The following ODAD4 variants were observed in gnomAD, a reference collection of about 807,000 sequenced individuals.
The protein encoded by ODAD4 is outer dynein arm-docking complex subunit 4.
A neutral mutation model predicts 51.8 loss-of-function variants in ODAD4; 49 were observed. The observed-to-expected ratio is 0.95, with a 90% CI of 0.75 to 1.20. The LOEUF is 1.20. Among genes scored for constraint, ODAD4 ranks in the 50% most tolerant of loss-of-function variants. ODAD4 has a pLI of 0.00. For missense variants in ODAD4, 590 were observed against 586.5 expected, an observed-to-expected ratio of 1.01 and a Z score of -0.06; for synonymous variants, 235 against 221.3, an observed-to-expected ratio of 1.06 and a Z score of -0.55.
chr17:41,935,882 C>A, intron 3 of ODAD4, 133 bp downstream of exon 3: 1 of 1,103,248 alleles, frequency 9.1e-7, no homozygotes, highest in Non-Finnish European at 1.3e-6. Flanking sequence ...GATTTGGCTG[C>A]TGCAGTGTTG....
At chr17:41,953,081 G>A (rs1555640463) in intron 9 of ODAD4, among the ~76,000 whole-genome samples, 1 of 151,982 alleles carries the variant, frequency 6.6e-6, no homozygotes, top group Non-Finnish European at 1.5e-5. Flanking sequence ...TTATTTTTGA[G>A]ATGGAGTTTC....
At chr17:41,943,005 G>A (rs1338455843) in intron 7 of ODAD4, among the ~76,000 whole-genome samples, 2 of 152,058 alleles carry the variant, frequency 1.3e-5, no homozygotes, top group African/African-American at 4.8e-5. Context: ...TGGGTCTACT[G>A]GCATGAACCA....
At chr17:41,952,989 G>A (rs935632799) in intron 9 of ODAD4, among the ~76,000 whole-genome samples, 1 of 151,940 alleles carries the variant, frequency 6.6e-6, no homozygotes, top group Non-Finnish European at 1.5e-5. Flanking sequence ...CTCCCACCTC[G>A]GCCTCCCAAA....
At chr17:41,957,150 C>T (rs2050743976) in intron 10 of ODAD4, among the ~76,000 whole-genome samples, 1 of 152,148 alleles carries the variant, frequency 6.6e-6, no homozygotes, top group South Asian at 2.1e-4. Context: ...AAGTGATCCT[C>T]CTGCCTCGGG....
chr17:41,939,346 C>A (rs2050474924), intron 7 of ODAD4, among the ~76,000 whole-genome samples, 174 bp downstream of exon 7: 1 of 152,188 alleles, frequency 6.6e-6, no homozygotes, highest in African/African-American at 2.4e-5. Flanking sequence ...GTGGGGGCAC[C>A]TAGACTGTTA....
At chr17:41,944,609 G>C (rs1441688872) in intron 7 of ODAD4, among the ~76,000 whole-genome samples, 1 of 151,766 alleles carries the variant, frequency 6.6e-6, no homozygotes, top group African/African-American at 2.4e-5. Context: ...TTCCGACATG[G>C]CGGCAAGCTT....
chr17:41,960,623 G>A (rs1337145252), intron 10 of ODAD4, among the ~76,000 whole-genome samples: 1 of 152,188 alleles, frequency 6.6e-6, no homozygotes, highest in Non-Finnish European at 1.5e-5. Flanking sequence ...AGTTTGAAGG[G>A]TTAGGGGCAG....
chr17:41,939,114 G>A lies in ODAD4; in HGVS notation c.1000G>A (p.Gly334Arg), dbSNP rs781844806. The A allele has an allele frequency of 1.2e-6, 2 of 1,613,998 alleles. No individual in the cohort carries two copies. The highest frequency in any genetic ancestry group is 1.7e-6 in the Non-Finnish European group (2 of 1,179,892). The change falls in exon 7 of 12, where the codon GGG (glycine) becomes AGG (arginine). Residue 334 changes from glycine (G) to arginine (R), a missense_variant. Physicochemically the swap from Gly to Arg is moderately radical, Grantham distance 125. Transcript: ENST00000377540. Reference sequence around the variant, plus strand: ...CATAGGGAATGCCCAGATTGAGCTGGGGCAGATGGAGGCAGCCCTGCAGAG... The same window carrying A: ...CATAGGGAATGCCCAGATTGAGCTGAGGCAGATGGAGGCAGCCCTGCAGAG... Reference protein sequence around the residue: ...SCIGNAQIELGQMEAALQSHR... With the variant: ...SCIGNAQIELRQMEAALQSHR...
At chr17:41,960,561 C>T (rs1196743250) in intron 10 of ODAD4, among the ~76,000 whole-genome samples, 2 of 152,222 alleles carry the variant, frequency 1.3e-5, no homozygotes, top group East Asian at 1.9e-4. Flanking sequence ...GGAGGCAGAG[C>T]TGGAGGCTTT....
intron 5 of ODAD4, among the ~76,000 whole-genome samples, chr17:41,937,652 A>G (rs1313575583): frequency 1.3e-5 from 2 of 152,188 alleles, no homozygotes; most frequent in Admixed American, 1.3e-4. Flanking sequence ...TTGTATTTTT[A>G]GCAGAGATGG....
chr17:41,958,037 A>G (rs1555641226), intron 10 of ODAD4, among the ~76,000 whole-genome samples: 3 of 152,108 alleles, frequency 2.0e-5, no homozygotes, highest in African/African-American at 7.2e-5. Flanking sequence ...TCAGCCTTTT[A>G]AAGTGTTGGG....
intron 9 of ODAD4, among the ~76,000 whole-genome samples, chr17:41,954,022 G>A (rs1555640652): frequency 6.6e-6 from 1 of 151,600 alleles, no homozygotes; most frequent in East Asian, 1.9e-4. Context: ...GTCTTGCTCT[G>A]TCACACAGGC....
chr17:41,939,089 C>T lies in ODAD4; in HGVS notation c.975C>T (p.Cys325=). The part of the protein sequence containing the change: ...KDELVGNLYS[C]IGNAQIELGQ... ...AACTGGTTGGAAACTTGTATAGCTG[C>T]ATAGGGAATGCCCAGATTGAGCTGG... Residue 325 remains cysteine, a synonymous_variant, in exon 7 of 12, where the codon TGC becomes TGT. Coordinates refer to ENST00000377540, the MANE Select transcript of ODAD4 (RefSeq NM_031421.5). 6.2e-7 allele frequency: 1 copy of T among 1,613,978 alleles called. No individual in the cohort carries two copies. The highest frequency in any genetic ancestry group is 8.5e-7 in the Non-Finnish European group (1 of 1,179,894).
chr17:41,948,761 C>T (rs1234028047), intron 8 of ODAD4, among the ~76,000 whole-genome samples: 1 of 152,090 alleles, frequency 6.6e-6, no homozygotes, highest in African/African-American at 2.4e-5. Flanking sequence ...CTGCCTCAGC[C>T]TCCCGAGTAG....
chr17:41,948,355 C>T (rs1260807136), intron 8 of ODAD4, among the ~76,000 whole-genome samples: 1 of 135,594 alleles, frequency 7.4e-6, no homozygotes, highest in African/African-American at 2.8e-5. Flanking sequence ...CTCACTTTGT[C>T]ACCCAGGTGG....
At chr17:41,964,788 G>A (rs576141603) in intron 11 of ODAD4, among the ~76,000 whole-genome samples, 5 of 152,046 alleles carry the variant, frequency 3.3e-5, no homozygotes, top group East Asian at 3.9e-4. Context: ...GACTACAGGC[G>A]CCAACCACCA....
At chr17:41,953,707 A>T (rs1032576101) in intron 9 of ODAD4, among the ~76,000 whole-genome samples, 1 of 151,864 alleles carries the variant, frequency 6.6e-6, no homozygotes, top group East Asian at 1.9e-4. Context: ...TCACTCTGTC[A>T]CCCAGGCTGG....
chr17:41,950,683 C>A (rs1021625155), intron 9 of ODAD4, among the ~76,000 whole-genome samples: 4 of 150,288 alleles, frequency 2.7e-5, no homozygotes, highest in Admixed American at 6.7e-5. Context: ...GCCGAGGAAA[C>A]CTTTTATTTT....
chr17:41,939,771 G>A (rs1340792781), intron 7 of ODAD4, among the ~76,000 whole-genome samples: 6 of 152,162 alleles, frequency 3.9e-5, no homozygotes, highest in African/African-American at 1.2e-4. Context: ...GCAGGGGATG[G>A]ATCAAGCAGG....
Sources: gnomAD v4.1 joint callset for allele counts (sites outside exome capture counted in the v4.1 genomes callset) on GRCh38, gnomAD v4.1.1 for gene constraint, MANE v1.5 for transcripts, NCBI Gene and HGNC (gene_info 2026-07-23, HGNC 2026-07-21) for gene names.